GABRB1: variants seen among roughly 807,000 people sequenced by gnomAD.
GABRB1 encodes the protein gamma-aminobutyric acid type A receptor subunit beta1.
Under a neutral mutation model 51.6 loss-of-function variants are expected in GABRB1, and 17 were observed. The ratio of observed to expected loss-of-function variants is 0.33; its 90% confidence interval spans 0.23 to 0.49. The LOEUF is 0.49. Ranked by LOEUF, GABRB1 falls within the 20% of genes least tolerant of loss-of-function variation. The probability of loss-of-function intolerance (pLI) is 0.99; values close to 1 mark genes in which losing one functional copy is unlikely to be tolerated. For missense variants in GABRB1, 410 were observed against 600.6 expected (o/e 0.68, Z 3.32); for synonymous variants, 247 against 218.9 (o/e 1.13, Z -1.14).
At chr4:47,272,765 C>T (rs556796269) in intron 4 of GABRB1, among the ~76,000 whole-genome samples, 1 of 152,252 alleles carries the variant, frequency 6.6e-6, no homozygotes, top group Non-Finnish European at 1.5e-5. Flanking sequence ...TATTTAACTA[C>T]TAATCTATTA....
chr4:47,231,304 T>C (rs1453773372), intron 4 of GABRB1, among the ~76,000 whole-genome samples: 1 of 152,254 alleles, frequency 6.6e-6, no homozygotes, highest in African/African-American at 2.4e-5. Context: ...AGAAATGTTG[T>C]GCTTAACTCA....
intron 5 of GABRB1, among the ~76,000 whole-genome samples, chr4:47,383,236 A>T (rs1727655196): frequency 6.6e-6 from 1 of 152,222 alleles, no homozygotes; most frequent in South Asian, 2.1e-4. Context: ...AAGACAGCTG[A>T]GAATTGCCAG....
At chr4:47,174,843 G>C (rs1718594943) in intron 4 of GABRB1, among the ~76,000 whole-genome samples, 1 of 151,876 alleles carries the variant, frequency 6.6e-6, no homozygotes, top group Admixed American at 6.6e-5. Context: ...TGCACTATAG[G>C]CTTCCTCCCT....
chr4:47,191,013 G>C (rs2109783289), intron 4 of GABRB1, among the ~76,000 whole-genome samples: 1 of 152,140 alleles, frequency 6.6e-6, no homozygotes, highest in South Asian at 2.1e-4. Context: ...TTAAAAATCA[G>C]GTCTTTTCGG....
At chr4:47,152,895 C>T (rs1717524263) in intron 3 of GABRB1, among the ~76,000 whole-genome samples, 1 of 151,998 alleles carries the variant, frequency 6.6e-6, no homozygotes, top group Non-Finnish European at 1.5e-5. Context: ...TAAGTCAACT[C>T]TGATTTATCT....
intron 5 of GABRB1, among the ~76,000 whole-genome samples, chr4:47,327,967 CA>C (rs1725318164): frequency 6.6e-6 from 1 of 152,230 alleles, no homozygotes; most frequent in Non-Finnish European, 1.5e-5. Flanking sequence ...TCCTCTCCAG[CA>C]CCTGTTGTTT....
rs149056457 is a variant in GABRB1 at position 47,136,897 on chromosome 4, A to G, written c.241-24352A>G. Among the ~76,000 whole-genome samples the G allele has an allele frequency of 1.1e-4, 16 of 152,224 alleles. No homozygotes were observed. In the East Asian group the frequency reaches 2.9e-3, roughly 28 times the overall value. ...TGTCTATATAAGCTTACTAAGAACAATATCATTATAGCAAACAGTGTAGAA... is the reference window on the plus strand; with the variant it reads ...TGTCTATATAAGCTTACTAAGAACAGTATCATTATAGCAAACAGTGTAGAA... On this transcript the variant is annotated intron_variant, in intron 3 of 8. Coordinates refer to ENST00000295454, the MANE Select transcript of GABRB1 (RefSeq NM_000812.4).
chr4:47,304,209 G>A (rs1301870602), intron 4 of GABRB1, among the ~76,000 whole-genome samples: 1 of 151,844 alleles, frequency 6.6e-6, no homozygotes, highest in African/African-American at 2.4e-5. Flanking sequence ...ATGTTTTGAG[G>A]AACTTCCATC....
chr4:47,356,723 A>T (rs1726592865), intron 5 of GABRB1, among the ~76,000 whole-genome samples: 1 of 152,284 alleles, frequency 6.6e-6, no homozygotes, highest in Middle Eastern at 3.4e-3. Context: ...CGGTCCTTTT[A>T]TTCAGAAAGC....
At chr4:47,255,947 T>C (rs1456312167) in intron 4 of GABRB1, among the ~76,000 whole-genome samples, 1 of 152,092 alleles carries the variant, frequency 6.6e-6, no homozygotes, top group Admixed American at 6.5e-5. Flanking sequence ...AGGACACAGA[T>C]CATGGAATAA....
At chr4:47,265,719 T>C (rs1171746413) in intron 4 of GABRB1, among the ~76,000 whole-genome samples, 3 of 152,210 alleles carry the variant, frequency 2.0e-5, no homozygotes, top group Non-Finnish European at 4.4e-5. Flanking sequence ...TTCATATGCT[T>C]GTTGGCCATT....
chr4:47,130,244 A>C (rs12645665), intron 3 of GABRB1, among the ~76,000 whole-genome samples: 28,715 of 151,728 alleles, frequency 0.19, 2,931 homozygotes, highest in East Asian at 0.33. Context: ...AGATTTAAGC[A>C]GTCTTGATTG....
At chr4:47,420,498 T>C (rs1269007677) in intron 8 of GABRB1, among the ~76,000 whole-genome samples, 1 of 152,182 alleles carries the variant, frequency 6.6e-6, no homozygotes, top group Admixed American at 6.5e-5. Context: ...ATGTTAACAA[T>C]TTTAATTTGC....
intron 3 of GABRB1, among the ~76,000 whole-genome samples, chr4:47,092,453 A>C (rs1577900511): frequency 6.6e-6 from 1 of 151,978 alleles, no homozygotes; most frequent in East Asian, 1.9e-4. Flanking sequence ...GATTACAGGC[A>C]TCAGCCACTG....
chr4:47,261,794 A>C (rs1174285179), intron 4 of GABRB1, among the ~76,000 whole-genome samples: 1 of 152,228 alleles, frequency 6.6e-6, no homozygotes, highest in African/African-American at 2.4e-5. Flanking sequence ...TTCAAACTAT[A>C]CTACAAGCCT....
intron 5 of GABRB1, among the ~76,000 whole-genome samples, chr4:47,401,460 C>A (rs555208845): frequency 3.3e-5 from 5 of 152,284 alleles, no homozygotes; most frequent in African/African-American, 1.2e-4. Context: ...CCAACAGCCC[C>A]TTCACCCAGC....
intron 5 of GABRB1, among the ~76,000 whole-genome samples, chr4:47,346,410 A>C (rs1206488806): frequency 1.3e-5 from 2 of 151,902 alleles, no homozygotes; most frequent in Non-Finnish European, 2.9e-5. Flanking sequence ...AGTATCTATT[A>C]TGATGAACCT....
intron 3 of GABRB1, among the ~76,000 whole-genome samples, chr4:47,094,474 C>T (rs1307764110): frequency 2.6e-5 from 4 of 151,908 alleles, no homozygotes; most frequent in Admixed American, 6.6e-5. Flanking sequence ...CCACCCGCCT[C>T]GGCCTCCCAA....
chr4:47,298,542 C>G (rs1352107735), intron 4 of GABRB1, among the ~76,000 whole-genome samples: 169 of 152,066 alleles, frequency 1.1e-3, no homozygotes, highest in Non-Finnish European at 1.8e-3. Flanking sequence ...GGATGTGAAG[C>G]ACCTCTTCAA....
Sources: gnomAD v4.1 joint callset for allele counts (sites outside exome capture counted in the v4.1 genomes callset) on GRCh38, gnomAD v4.1.1 for gene constraint, MANE v1.5 for transcripts, NCBI Gene and HGNC (gene_info 2026-07-23, HGNC 2026-07-21) for gene names.